Variants in LGR4 observed in about 807,000 individuals in gnomAD.
LGR4 encodes the protein leucine rich repeat containing G protein-coupled receptor 4, also known as leucine-rich repeat-containing G protein-coupled receptor 4.
A neutral mutation model predicts 84.8 loss-of-function variants in LGR4; 44 were observed. The observed-to-expected ratio is 0.52, with a 90% CI of 0.41 to 0.67. The LOEUF (loss-of-function observed/expected upper bound fraction) is 0.67, where lower values mean the gene tolerates loss of function less well. Among genes scored for constraint, LGR4 ranks in the 30% least tolerant of loss-of-function variants. The pLI, the probability that LGR4 is intolerant of heterozygous loss-of-function variation, is 0.00. For synonymous variants in LGR4, 429 were observed against 434.3 expected (o/e 0.99, Z 0.15); for missense variants, 1,032 against 1,131.4 (o/e 0.91, Z 1.26).
At chr11:27,408,131 A>G (rs974846335) in intron 2 of LGR4, among the ~76,000 whole-genome samples, 1 of 152,114 alleles carries the variant, frequency 6.6e-6, no homozygotes, top group African/African-American at 2.4e-5. Context: ...GTGTGTGTGT[A>G]TAAATATGTA....
At chr11:27,466,186 C>T (rs1388633365) in intron 1 of LGR4, among the ~76,000 whole-genome samples, 1 of 152,036 alleles carries the variant, frequency 6.6e-6, no homozygotes, top group Non-Finnish European at 1.5e-5. Context: ...GCACATTTGG[C>T]AGGGTTTTAA....
At chr11:27,414,684 G>C (rs59687194) in intron 1 of LGR4, among the ~76,000 whole-genome samples, 5 of 152,246 alleles carry the variant, frequency 3.3e-5, no homozygotes, top group East Asian at 1.9e-4. Context: ...ATCCCTGGGG[G>C]AAGGGGCGAG....
At chr11:27,441,862 T>C (rs1864309022) in intron 1 of LGR4, among the ~76,000 whole-genome samples, 1 of 152,034 alleles carries the variant, frequency 6.6e-6, no homozygotes, top group African/African-American at 2.4e-5. Context: ...GCAGAAATCA[T>C]AAGATCATGA....
At chr11:27,450,957 G>T (rs1219289369) in intron 1 of LGR4, among the ~76,000 whole-genome samples, 1 of 152,094 alleles carries the variant, frequency 6.6e-6, no homozygotes, top group Non-Finnish European at 1.5e-5. Context: ...ATGTCCAGTG[G>T]CAGGTTATGT....
At chr11:27,458,597 G>A (rs1864618200) in intron 1 of LGR4, among the ~76,000 whole-genome samples, 2 of 151,424 alleles carry the variant, frequency 1.3e-5, no homozygotes, top group Admixed American at 6.6e-5. Context: ...GGAATGCAAT[G>A]GCACGATCTC....
chr11:27,391,007 C>T, intron 4 of LGR4, 87 bp downstream of exon 4: 1 of 770,340 alleles, frequency 1.3e-6, no homozygotes, highest in Non-Finnish European at 2.1e-6. Flanking sequence ...AAGGATAAAT[C>T]TCCTCTTTCC....
chr11:27,449,581 C>T (rs990795058), intron 1 of LGR4, among the ~76,000 whole-genome samples: 2 of 148,794 alleles, frequency 1.3e-5, no homozygotes, highest in African/African-American at 5.0e-5. Flanking sequence ...GATGCTGTCT[C>T]TTAAAAAAAT....
In LGR4 at chr11:27,472,466, C is replaced by T; in HGVS notation, c.-164G>A. ...CCCCTTCAGCAGTCCGCCGCAGCGG[C>T]GCAGGGACGCGGCGCTCCGGAGTTT... On this transcript the variant is annotated 5_prime_UTR_variant, in exon 1 of 18. Coordinates refer to ENST00000379214, the MANE Select transcript of LGR4 (RefSeq NM_018490.5). 2.4e-6 allele frequency: 1 copy of T among 425,086 alleles called. No homozygotes were observed. Among genetic ancestry groups the T allele is most frequent in the Non-Finnish European group, 3.9e-6 (1 of 254,258 alleles). The allele number at this position is 425,086 out of a possible 1,614,324, so 26.3% of individuals were successfully genotyped here. A position where few individuals can be genotyped will look rare whatever the true frequency, so the allele number is the denominator to read the frequency against.
chr11:27,386,954 G>T (rs565550303), intron 4 of LGR4, among the ~76,000 whole-genome samples: 2 of 152,064 alleles, frequency 1.3e-5, no homozygotes, highest in Admixed American at 1.3e-4. Context: ...GCTACAGAGC[G>T]GCAAAGTACT....
chr11:27,391,568 T>C (rs764956568), intron 3 of LGR4, among the ~76,000 whole-genome samples: 3 of 152,112 alleles, frequency 2.0e-5, no homozygotes, highest in Non-Finnish European at 4.4e-5. Context: ...CTTTTCAAAT[T>C]GGAATAAAGC....
intron 4 of LGR4, among the ~76,000 whole-genome samples, chr11:27,388,349 A>C (rs2351686): frequency 0.99 from 149,996 of 152,224 alleles, 73,933 homozygotes; most frequent in East Asian, 1. Flanking sequence ...TTCACCCCAA[A>C]TAACAGATGA....
chr11:27,424,978 C>A (rs1184162886), intron 1 of LGR4, among the ~76,000 whole-genome samples: 3 of 152,120 alleles, frequency 2.0e-5, no homozygotes, highest in African/African-American at 4.8e-5. Flanking sequence ...AACTCTTGAC[C>A]TCAGGCAATC....
intron 2 of LGR4, among the ~76,000 whole-genome samples, chr11:27,401,398 T>C (rs1316382072): frequency 2.0e-5 from 3 of 152,098 alleles, no homozygotes; most frequent in African/African-American, 7.2e-5. Flanking sequence ...GGTAAATCAG[T>C]AAAAACCCAG....
chr11:27,428,380 CT>C (rs1864060066), intron 1 of LGR4, among the ~76,000 whole-genome samples: 1 of 152,200 alleles, frequency 6.6e-6, no homozygotes, highest in Non-Finnish European at 1.5e-5. Context: ...CTTGAGTGAT[CT>C]GCCTGCCTCG....
intron 11 of LGR4, among the ~76,000 whole-genome samples, chr11:27,378,413 TA>T (rs1863030388): frequency 6.6e-6 from 1 of 151,988 alleles, no homozygotes; most frequent in African/African-American, 2.4e-5. Flanking sequence ...GAAACTAGAA[TA>T]AAGACAAAGA....
intron 1 of LGR4, among the ~76,000 whole-genome samples, chr11:27,422,613 A>G (rs1440336368): frequency 6.6e-6 from 1 of 152,210 alleles, no homozygotes; most frequent in Non-Finnish European, 1.5e-5. Flanking sequence ...AAGTTCGAAT[A>G]TATTGTCCAT....
At chr11:27,405,690 T>C (rs1024259729) in intron 2 of LGR4, among the ~76,000 whole-genome samples, 2 of 152,170 alleles carry the variant, frequency 1.3e-5, no homozygotes, top group African/African-American at 2.4e-5. Flanking sequence ...TCATTGTTAA[T>C]GATGTTACCC....
At chr11:27,441,358 G>T (rs1590396377) in intron 1 of LGR4, among the ~76,000 whole-genome samples, 1 of 152,286 alleles carries the variant, frequency 6.6e-6, no homozygotes, top group East Asian at 1.9e-4. Context: ...CTCAAATGAT[G>T]AGTTAAGTCA....
At chr11:27,418,108 T>C (rs1273961075) in intron 1 of LGR4, among the ~76,000 whole-genome samples, 1 of 152,214 alleles carries the variant, frequency 6.6e-6, no homozygotes, top group African/African-American at 2.4e-5. Context: ...AGTAAGGCTT[T>C]TATGTCAAAA....
Sources: gnomAD v4.1 joint callset for allele counts (sites outside exome capture counted in the v4.1 genomes callset) on GRCh38, gnomAD v4.1.1 for gene constraint, MANE v1.5 for transcripts, NCBI Gene and HGNC (gene_info 2026-07-23, HGNC 2026-07-21) for gene names.